The following GLOD4 variants were observed in gnomAD, a reference collection of about 807,000 sequenced individuals.
GLOD4 encodes the protein glyoxalase domain-containing protein 4.
GLOD4 carries 44 observed loss-of-function variants against 39.1 expected under a neutral mutation model. The ratio of observed to expected loss-of-function variants is 1.13; its 90% CI spans 0.88 to 1.45. The LOEUF (loss-of-function observed/expected upper bound fraction) is 1.45. Among genes scored for constraint, GLOD4 ranks in the 40% most tolerant of loss-of-function variants. GLOD4 has a pLI of 0.00. For synonymous variants in GLOD4, 145 were observed against 135.0 expected (o/e 1.07, Z -0.52); for missense variants, 405 against 366.4 (o/e 1.11, Z -0.86).
At chr17:782,300 C>A, upstream of GLOD4, 6 of 1,611,268 alleles carry the variant, frequency 3.7e-6, no homozygotes, top group Non-Finnish European at 4.2e-6. Context: ...ACAGCCCAGT[C>A]CACGAAGGGC....
intron 8 of GLOD4, among the ~76,000 whole-genome samples, 196 bp from the exon 9 acceptor site, chr17:760,434 G>A (rs1257371729): frequency 6.6e-6 from 1 of 152,148 alleles, no homozygotes; most frequent in Non-Finnish European, 1.5e-5. Flanking sequence ...CCAGTACAGA[G>A]TGTTATGTTC....
chr17:775,001 G>A (rs566089053), intron 4 of GLOD4, among the ~76,000 whole-genome samples: 13 of 151,678 alleles, frequency 8.6e-5, no homozygotes, highest in East Asian at 1.9e-4. Context: ...CCTGGGAGGC[G>A]GAGGTTGCAA....
chr17:785,810 T>G (rs1910505435), upstream of GLOD4, among the ~76,000 whole-genome samples: 1 of 152,244 alleles, frequency 6.6e-6, no homozygotes. Flanking sequence ...GAAAGATAAA[T>G]CAGTATAGCA....
chr17:765,729 C>T (rs1437416682), intron 8 of GLOD4, among the ~76,000 whole-genome samples: 3 of 151,798 alleles, frequency 2.0e-5, no homozygotes, highest in African/African-American at 7.2e-5. Flanking sequence ...CAGGTGTGAG[C>T]CACCGCACCC....
chr17:763,804 T>A (rs750384237), intron 8 of GLOD4: 2 of 152,194 alleles, frequency 1.3e-5, no homozygotes, highest in Non-Finnish European at 2.9e-5. Flanking sequence ...GTGAAGAGGT[T>A]CTCAGGATAT....
chr17:778,617 C>T (rs780110462), intron 2 of GLOD4, 78 bp downstream of exon 2: 5 of 893,410 alleles, frequency 5.6e-6, no homozygotes, highest in Non-Finnish European at 9.6e-6. Context: ...CTGCTTTATA[C>T]TCACTTTGAG....
chr17:764,883 T>A (rs1320826784), intron 8 of GLOD4: 1 of 150,762 alleles, frequency 6.6e-6, no homozygotes, highest in Non-Finnish European at 1.5e-5. Context: ...GGCAGGTGCC[T>A]GTAGTCCCAG....
chr17:770,621 A>G (rs1379025202), intron 5 of GLOD4, 114 bp from the exon 6 acceptor site: 1 of 668,006 alleles, frequency 1.5e-6, no homozygotes, highest in East Asian at 2.6e-5. Flanking sequence ...CTGAGTCTCT[A>G]TCCTACTCTC....
chr17:778,527 T>C, intron 2 of GLOD4, 168 bp downstream of exon 2: 1 of 654,626 alleles, frequency 1.5e-6, no homozygotes. Flanking sequence ...TTTATACTCA[T>C]GAGAGTGCAG....
At chr17:760,629 G>A (rs919583820) in intron 8 of GLOD4, among the ~76,000 whole-genome samples, 9 of 152,208 alleles carry the variant, frequency 5.9e-5, no homozygotes, top group Non-Finnish European at 1.0e-4. Flanking sequence ...CTGGGCAGAC[G>A]CTCAAGAATC....
At chr17:761,023 A>C (rs1416838338) in intron 8 of GLOD4, among the ~76,000 whole-genome samples, 1 of 152,238 alleles carries the variant, frequency 6.6e-6, no homozygotes, top group East Asian at 1.9e-4. Context: ...TAGTAAGGAC[A>C]AACACTCATT....
At chr17:765,353 G>A (rs1024504705) in intron 8 of GLOD4, 1 of 150,898 alleles carries the variant, frequency 6.6e-6, no homozygotes, top group African/African-American at 2.4e-5. Flanking sequence ...GAGGAGGCTG[G>A]AGCCAGGATG....
chr17:761,860 C>T (rs762985421), intron 8 of GLOD4, among the ~76,000 whole-genome samples: 2 of 152,136 alleles, frequency 1.3e-5, no homozygotes, highest in Non-Finnish European at 2.9e-5. Context: ...AGGGAAAAAA[C>T]CCTTTGGGTT....
At chr17:778,621 C>T (rs751298936) in intron 2 of GLOD4, 74 bp downstream of exon 2, 9 of 921,008 alleles carry the variant, frequency 9.8e-6, no homozygotes, top group Non-Finnish European at 1.6e-5. Flanking sequence ...TTTATACTCA[C>T]TTTGAGAAAC....
chr17:764,142 A>G (rs900364914), intron 8 of GLOD4: 6 of 152,226 alleles, frequency 3.9e-5, no homozygotes, highest in African/African-American at 1.2e-4. Context: ...AAGGTGCTCA[A>G]TATCATTAGT....
At chr17:784,589 A>C (rs781160188), upstream of GLOD4, among the ~76,000 whole-genome samples, 2 of 151,656 alleles carry the variant, frequency 1.3e-5, no homozygotes, top group East Asian at 3.9e-4. Context: ...ACAGTGGCCA[A>C]CCCATCTTGA....
rs1269868050 is a variant in GLOD4 at position 770,480 on chromosome 17, C to A, written c.571G>T (p.Gly191Cys). Reference protein sequence around the residue: ...QCKLELQGVKGGVDHAAAFGR... With the variant: ...QCKLELQGVKCGVDHAAAFGR... ...AAAGCTGCTGCATGGTCCACCCCACCCTTGACGCCCTGTAGCTCCAGCTTA... is the reference window on the plus strand; with the variant it reads ...AAAGCTGCTGCATGGTCCACCCCACACTTGACGCCCTGTAGCTCCAGCTTA... The change falls in exon 6 of 9, where the codon GGT becomes TGT. Residue 191 changes from glycine (G) to cysteine (C), a missense_variant. Transcript: ENST00000301329. 6.3e-7 allele frequency: 1 copy of A among 1,584,740 alleles called. No individual in the cohort carries two copies. Among genetic ancestry groups the A allele is most frequent in the East Asian group, 2.2e-5 (1 of 44,774 alleles).
At chr17:762,081 T>G (rs370078221) in intron 8 of GLOD4, among the ~76,000 whole-genome samples, 5 of 152,222 alleles carry the variant, frequency 3.3e-5, no homozygotes, top group African/African-American at 1.2e-4. Flanking sequence ...ACTGGCTGTT[T>G]GCTTTGGGAC....
chr17:782,237 G>C lies in GLOD4; in HGVS notation c.19C>G (p.Leu7Val), dbSNP rs1033199940. 1 of 1,613,396 alleles carries C rather than the reference G, an allele frequency of 6.2e-7. No homozygotes were observed. The highest frequency in any genetic ancestry group is 8.5e-7 in the Non-Finnish European group (1 of 1,179,750). The change falls in exon 1 of 9, where the codon CTG becomes GTG. Residue 7 changes from leucine to valine, a missense_variant. By Grantham distance (32) the Leu-to-Val change is conservative (BLOSUM62 1). Coordinates refer to ENST00000301329, the MANE Select transcript of GLOD4 (RefSeq NM_016080.4). Reference protein sequence around the residue: MAARRALHFVFKVGNRF... With the variant: MAARRAVHFVFKVGNRF... Reference sequence around the variant, plus strand: ...TTTCCCACTTTGAATACGAAGTGCAGAGCTCTGCGAGCAGCCATGATTCCC... The same window carrying C: ...TTTCCCACTTTGAATACGAAGTGCACAGCTCTGCGAGCAGCCATGATTCCC...
Sources: gnomAD v4.1 joint callset for allele counts (sites outside exome capture counted in the v4.1 genomes callset) on GRCh38, gnomAD v4.1.1 for gene constraint, MANE v1.5 for transcripts, NCBI Gene and HGNC (gene_info 2026-07-23, HGNC 2026-07-21) for gene names.